C7: variants seen among roughly 807,000 people sequenced by gnomAD.
C7 encodes the protein complement component C7.
C7 carries 83 observed loss-of-function variants against 104.8 expected under a neutral mutation model. The observed-to-expected ratio is 0.79, with a 90% CI of 0.66 to 0.95. C7 has a LOEUF of 0.95. Among genes scored for constraint, C7 ranks in the 40% least tolerant of loss-of-function variants. The pLI, the probability that C7 is intolerant of heterozygous loss-of-function variation, is 0.00. For missense variants in C7, 1,070 were observed against 1,011.2 expected (o/e 1.06, Z -0.79); for synonymous variants, 415 against 360.6 (o/e 1.15, Z -1.71).
intron 6 of C7, among the ~76,000 whole-genome samples, chr5:40,938,786 G>C (rs990757358): frequency 1.3e-4 from 20 of 152,156 alleles, no homozygotes; most frequent in Admixed American, 9.8e-4. Flanking sequence ...AGTAGGTTTT[G>C]ATCAACACAA....
chr5:40,930,377 T>A (rs1739656198), intron 2 of C7, among the ~76,000 whole-genome samples: 1 of 151,840 alleles, frequency 6.6e-6, no homozygotes, highest in African/African-American at 2.4e-5. Context: ...GGCTAATTTT[T>A]GTATTTTTAG....
chr5:40,959,694 G>C, intron 12 of C7, 74 bp downstream of exon 12: 2 of 1,154,256 alleles, frequency 1.7e-6, no homozygotes, highest in Non-Finnish European at 2.4e-6. Flanking sequence ...ACACATGATT[G>C]CTGCTGTCGA....
At chr5:40,928,731 G>A in intron 2 of C7, 96 bp downstream of exon 2, 2 of 669,940 alleles carry the variant, frequency 3.0e-6, no homozygotes, top group Non-Finnish European at 2.6e-6. Context: ...TTGAATCTGT[G>A]TATCCCTCCA....
intron 7 of C7, 150 bp from the exon 8 acceptor site, chr5:40,947,452 T>A (rs1416957852): frequency 2.1e-5 from 17 of 799,072 alleles, no homozygotes; most frequent in Non-Finnish European, 3.5e-5. Flanking sequence ...AGTGGGCCCA[T>A]AAGAGTGCTC....
chr5:40,915,484 T>G lies in C7; in HGVS notation c.6+5868T>G, dbSNP rs535045871. Among the ~76,000 whole-genome samples, 9 of 152,250 alleles carry G rather than the reference T, an allele frequency of 5.9e-5. No homozygotes were observed. The South Asian group carries it at 1.7e-3, about 28-fold the overall frequency. On this transcript the variant is annotated intron_variant, in intron 1 of 17. Transcript: ENST00000313164. Reference sequence around the variant, plus strand: ...GAAAATGTGACTAGTGGTTAATGCCTAAAAATGACTAGTAAAGCTGTGAGA... The same window carrying G: ...GAAAATGTGACTAGTGGTTAATGCCGAAAAATGACTAGTAAAGCTGTGAGA...
At chr5:40,924,913 C>T (rs899258753) in intron 1 of C7, among the ~76,000 whole-genome samples, 3 of 152,204 alleles carry the variant, frequency 2.0e-5, no homozygotes, top group African/African-American at 4.8e-5. Flanking sequence ...AACCTCCTGA[C>T]CTGTGATGGG....
intron 16 of C7, among the ~76,000 whole-genome samples, chr5:40,978,149 A>G (rs1042937199): frequency 6.0e-5 from 9 of 150,618 alleles, no homozygotes; most frequent in South Asian, 4.2e-4. Context: ...AGAAAAAAAA[A>G]AAAAAAAAAA....
rs772737448 is a variant in C7, at chr5:40,981,382, A to G, written c.2351-10A>G. Reference sequence around the variant, plus strand: ...ATGTACCATTAAGCCTCTTTCACTTACTTTTCCAGCTGAGAGCAGCAAATG... The same window carrying G: ...ATGTACCATTAAGCCTCTTTCACTTGCTTTTCCAGCTGAGAGCAGCAAATG... On this transcript the variant is annotated splice_polypyrimidine_tract_variant and intron_variant, in intron 17 of 17. Transcript: ENST00000313164. 4 of 1,606,522 alleles carry G rather than the reference A, an allele frequency of 2.5e-6. No homozygotes were observed. Among genetic ancestry groups the G allele is most frequent in the South Asian group, 2.2e-5 (2 of 89,356 alleles).
At chr5:40,918,046 A>C (rs1739356172) in intron 1 of C7, among the ~76,000 whole-genome samples, 1 of 152,230 alleles carries the variant, frequency 6.6e-6, no homozygotes, top group South Asian at 2.1e-4. Flanking sequence ...ATAAGCACAA[A>C]GCAAAAATCT....
intron 12 of C7, among the ~76,000 whole-genome samples, 181 bp from the exon 13 acceptor site, chr5:40,961,904 G>GT (rs1201124707): frequency 6.6e-6 from 1 of 152,070 alleles, no homozygotes; most frequent in Admixed American, 6.6e-5. Context: ...TTGAGTTTAT[G>GT]TTTGAGTTTT....
intron 14 of C7, among the ~76,000 whole-genome samples, chr5:40,968,544 CA>C (rs2111695655): frequency 9.1e-6 from 1 of 109,902 alleles, no homozygotes; most frequent in East Asian, 3.0e-4. Flanking sequence ...TTTTATTTTT[CA>C]ACTTAAAACA....
chr5:40,925,765 C>T (rs4559041), intron 1 of C7, among the ~76,000 whole-genome samples: 34,529 of 151,978 alleles, frequency 0.23, 4,114 homozygotes, highest in East Asian at 0.32. Flanking sequence ...TTACTCATGG[C>T]GGAAGGCAAA....
rs1280293403 is a variant in C7 at position 40,958,048 on chromosome 5, G to A, written c.1276G>A (p.Glu426Lys). The A allele has an allele frequency of 2.5e-6, 4 of 1,611,996 alleles. No individual in the cohort carries two copies. In the African/African-American group the frequency reaches 4.0e-5, roughly 16 times the overall value. ...VIKQKLTPLY[E>K]LVKEVPCASV... ...ATCTCTATAGCTGACACCTTTATAT[G>A]AGCTGGTAAAGGAAGTACCTTGTGC... Residue 426 changes from glutamate (E) to lysine (K), a missense_variant, in exon 11 of 18, where the codon GAG (glutamate) becomes AAG (lysine). Transcript: ENST00000313164.
rs1472361486 is a variant in C7, at chr5:40,983,866, T to C, written c.*2293T>C. 2.6e-5 allele frequency among the ~76,000 whole-genome samples: 4 copies of C among 152,162 alleles called. No homozygotes were observed. Among genetic ancestry groups the C allele is most frequent in the Non-Finnish European group, 5.9e-5 (4 of 68,028 alleles). On this transcript the variant is annotated 3_prime_UTR_variant, in exon 18 of 18. Coordinates refer to ENST00000313164, the MANE Select transcript of C7 (RefSeq NM_000587.4). Reference sequence around the variant, plus strand: ...TGCCTCAGATCAGGTGAGGGTCATCTGGGTTAGAAGGGGATAGAGCCTTGG... The same window carrying C: ...TGCCTCAGATCAGGTGAGGGTCATCCGGGTTAGAAGGGGATAGAGCCTTGG...
chr5:40,920,170 A>G (rs1250669118), intron 1 of C7, among the ~76,000 whole-genome samples: 2 of 152,148 alleles, frequency 1.3e-5, no homozygotes, highest in Non-Finnish European at 2.9e-5. Flanking sequence ...TACATCAACA[A>G]ATTGGATAAC....
At chr5:40,965,668 G>T (rs1386570706) in intron 14 of C7, among the ~76,000 whole-genome samples, 2 of 140,142 alleles carry the variant, frequency 1.4e-5, no homozygotes, top group African/African-American at 2.7e-5. Context: ...TGGAGACAGA[G>T]TCTCACTCTT....
chr5:40,972,657 G>T, intron 15 of C7, 63 bp downstream of exon 15: 2 of 1,332,114 alleles, frequency 1.5e-6, no homozygotes, highest in South Asian at 1.4e-5. Flanking sequence ...TCCTTGTGGC[G>T]ACCTTCATGG....
intron 17 of C7, 26 bp downstream of exon 17, chr5:40,979,935 T>C (rs1561262797): frequency 6.5e-7 from 1 of 1,539,968 alleles, no homozygotes; most frequent in South Asian, 1.3e-5. Context: ...TATTTGTAAG[T>C]ATAAGAATGC....
chr5:40,980,158 A>T (rs951465770), intron 17 of C7: 8 of 352,038 alleles, frequency 2.3e-5, no homozygotes, highest in Non-Finnish European at 4.1e-5. Context: ...GGGTGATTCC[A>T]TGCCACCTTC....
Sources: gnomAD v4.1 joint callset for allele counts (sites outside exome capture counted in the v4.1 genomes callset) on GRCh38, gnomAD v4.1.1 for gene constraint, MANE v1.5 for transcripts, NCBI Gene and HGNC (gene_info 2026-07-23, HGNC 2026-07-21) for gene names.